Variants in ANKHD1 observed in about 807,000 individuals in gnomAD.
ANKHD1 encodes ankyrin repeat and KH domain-containing protein 1.
Under a neutral mutation model 230.5 loss-of-function variants are expected in ANKHD1, and 31 were observed. The ratio of observed to expected loss-of-function variants is 0.13; its 90% CI spans 0.10 to 0.18. ANKHD1 has a LOEUF of 0.18. Among genes scored for constraint, ANKHD1 ranks in the 10% least tolerant of loss-of-function variants. The pLI, the probability that ANKHD1 is intolerant of heterozygous loss-of-function variation, is 1.00. For synonymous variants in ANKHD1, 1,074 were observed against 1,117.6 expected (o/e 0.96, Z 0.78); for missense variants, 2,256 against 3,071.3 (o/e 0.73, Z 6.27).
chr5:140,434,343 G>T (rs1305533836), intron 1 of ANKHD1, among the ~76,000 whole-genome samples: 1 of 151,110 alleles, frequency 6.6e-6, no homozygotes, highest in South Asian at 2.1e-4. Flanking sequence ...TTCTGTTCCT[G>T]ATGTTTTTCT....
At chr5:140,490,252 T>A (rs1386928536) in intron 14 of ANKHD1, among the ~76,000 whole-genome samples, 6 of 152,216 alleles carry the variant, frequency 3.9e-5, no homozygotes. Context: ...CAGGTTCTTA[T>A]AACATTTTAC....
chr5:140,452,055 G>A (rs1165782272), intron 7 of ANKHD1, among the ~76,000 whole-genome samples: 3 of 152,066 alleles, frequency 2.0e-5, no homozygotes, highest in Admixed American at 6.6e-5. Flanking sequence ...CTGAGCATAC[G>A]GCACACCAGG....
chr5:140,432,810 T>G (rs1161786285), intron 1 of ANKHD1, among the ~76,000 whole-genome samples: 1 of 152,104 alleles, frequency 6.6e-6, no homozygotes, highest in Non-Finnish European at 1.5e-5. Flanking sequence ...TGGGCTCAAA[T>G]GATCCACCTC....
chr5:140,476,013 A>G (rs1218735765), intron 10 of ANKHD1, among the ~76,000 whole-genome samples: 3 of 152,212 alleles, frequency 2.0e-5, no homozygotes, highest in East Asian at 3.8e-4. Context: ...CCATAAAACA[A>G]TGTGAGATAA....
At chr5:140,423,140 G>A (rs116651833) in intron 1 of ANKHD1, among the ~76,000 whole-genome samples, 135 of 151,888 alleles carry the variant, frequency 8.9e-4, no homozygotes, top group African/African-American at 3.1e-3. Flanking sequence ...TTAAGTGATC[G>A]TCCTGCCTTG....
In ANKHD1 at chr5:140,497,213, C is replaced by G; in HGVS notation, c.2939C>G (p.Pro980Arg). Reference protein sequence around the residue: ...GHDQGLLVQEPDGLMVATPAQ... With the variant: ...GHDQGLLVQERDGLMVATPAQ... ...GATCAGGGGCTGTTAGTTCAAGAACCAGATGGACTAATGGTTGCAACTCCA... is the reference window on the plus strand; with the variant it reads ...GATCAGGGGCTGTTAGTTCAAGAACGAGATGGACTAATGGTTGCAACTCCA... Residue 980 changes from proline to arginine, a missense_variant, in exon 15 of 34, where the codon CCA (proline) becomes CGA (arginine). Physicochemically the swap from Pro to Arg is moderately radical, Grantham distance 103. Coordinates refer to ENST00000360839, the MANE Select transcript of ANKHD1 (RefSeq NM_017747.3). The G allele has an allele frequency of 2.5e-6, 4 of 1,611,418 alleles. No individual in the cohort carries two copies. The highest frequency in any genetic ancestry group is 3.4e-6 in the Non-Finnish European group (4 of 1,179,974).
Position 140,527,978 on chromosome 5 carries a change from G to T in ANKHD1, c.5193G>T (p.Val1731=). 1 of 1,613,634 alleles carries T rather than the reference G, an allele frequency of 6.2e-7. No individual in the cohort carries two copies. The highest frequency in any genetic ancestry group is 8.5e-7 in the Non-Finnish European group (1 of 1,179,834). The change falls in exon 28 of 34, where the codon GTG becomes GTT. Residue 1731 remains valine, a synonymous_variant. Transcript: ENST00000360839. This position sits in a 1 kb window ranked among gnomAD's most constrained non-coding sequence, Gnocchi z 4.5. ...ATGTTACTGGTGCCCATATTGATGT[G>T]GATAAACAAAAAGATAAGAATGGCG... ...IQDVTGAHID[V]DKQKDKNGER...
At chr5:140,441,221 G>C in intron 5 of ANKHD1, 79 bp downstream of exon 5, 1 of 1,406,260 alleles carries the variant, frequency 7.1e-7, no homozygotes, top group Non-Finnish European at 9.3e-7. Context: ...TTAGATTTCT[G>C]AGGAAAACCA....
In ANKHD1 at chr5:140,411,727, T is replaced by C. The variant is rs952862199; in HGVS notation, c.306+9454T>C. 2.0e-5 allele frequency among the ~76,000 whole-genome samples: 3 copies of C among 152,146 alleles called. No individual in the cohort carries two copies. The East Asian group carries it at 5.8e-4, about 29-fold the overall frequency. On this transcript the variant is annotated intron_variant, in intron 1 of 33. Transcript: ENST00000360839. ...TTAGTAGAGATGGGGTTTCACCATG[T>C]TGGCCAGGCTGGTCTCGAACTCCTG...
chr5:140,482,532 G>A (rs2127014120), intron 10 of ANKHD1, 48 bp from the exon 11 acceptor site: 1 of 1,590,962 alleles, frequency 6.3e-7, no homozygotes, highest in East Asian at 2.3e-5. Flanking sequence ...TAAAATAGAT[G>A]GTTAGACTGT....
chr5:140,457,739 G>T (rs1775320892), intron 7 of ANKHD1, among the ~76,000 whole-genome samples: 2 of 151,900 alleles, frequency 1.3e-5, no homozygotes, highest in South Asian at 4.2e-4. Context: ...AGCATTAGGA[G>T]ATATACCCAA....
chr5:140,419,824 TTCTTTCTTTCTTTTTCTTTC>T (rs1771776815), intron 1 of ANKHD1, among the ~76,000 whole-genome samples: 1 of 125,658 alleles, frequency 8.0e-6, no homozygotes, highest in Non-Finnish European at 1.7e-5. Context: ...CTTTCTTTCT[TTCTTTCTTTCTTTTTCTTTC>T]TCTTTCTTTT....
chr5:140,450,626 A>AT (rs1182956403), intron 7 of ANKHD1, among the ~76,000 whole-genome samples: 1 of 151,668 alleles, frequency 6.6e-6, no homozygotes, highest in Non-Finnish European at 1.5e-5. Flanking sequence ...TACAGCCTGT[A>AT]CCTCCTGTAC....
chr5:140,479,643 A>G (rs1038437410), intron 10 of ANKHD1, among the ~76,000 whole-genome samples: 2 of 150,938 alleles, frequency 1.3e-5, no homozygotes, highest in African/African-American at 2.4e-5. Flanking sequence ...TGTTCCCATT[A>G]TATGTATGTA....
At chr5:140,486,927 G>A (rs762000506) in intron 13 of ANKHD1, 31 bp from the exon 14 acceptor site, 6 of 1,602,072 alleles carry the variant, frequency 3.7e-6, no homozygotes, top group Non-Finnish European at 5.1e-6. Flanking sequence ...TCTTTGGTCT[G>A]AGATGATTTT....
rs1751448554 is a variant in ANKHD1 at position 140,485,270 on chromosome 5, A to AG, written c.1998+22_1998+23insG. 6.2e-7 allele frequency: 1 copy of AG among 1,601,510 alleles called. No homozygotes were observed. Among genetic ancestry groups the AG allele is most frequent in the Admixed American group, 1.7e-5 (1 of 59,448 alleles). On this transcript the variant is annotated intron_variant, in intron 12 of 33. Transcript: ENST00000360839. This position sits in a 1 kb window ranked among gnomAD's most constrained non-coding sequence, Gnocchi z 4.8. ...CAAGGTAGTCTACTTAAAAATAAGT[A>AG]AACAGGCTGTGTGCGGTGGCTCATG...
At chr5:140,515,620 G>A (rs987039712) in intron 24 of ANKHD1, among the ~76,000 whole-genome samples, 23 of 152,180 alleles carry the variant, frequency 1.5e-4, no homozygotes, top group Non-Finnish European at 3.1e-4. Flanking sequence ...TCCTCAAGTG[G>A]GTCCCTGACC....
chr5:140,430,970 G>A (rs1353927142), intron 1 of ANKHD1, among the ~76,000 whole-genome samples: 1 of 152,144 alleles, frequency 6.6e-6, no homozygotes, highest in Non-Finnish European at 1.5e-5. Flanking sequence ...CCAGCCAGCT[G>A]TATTTTGAAG....
intron 7 of ANKHD1, among the ~76,000 whole-genome samples, chr5:140,453,220 A>G (rs1451466614): frequency 6.6e-6 from 1 of 152,198 alleles, no homozygotes; most frequent in African/African-American, 2.4e-5. Flanking sequence ...ATGTGAAAAG[A>G]CCAAATCTAC....
Sources: allele counts gnomAD v4.1 joint callset (sites outside exome capture counted in the v4.1 genomes callset), GRCh38; gene constraint gnomAD v4.1.1; non-coding constraint Gnocchi (gnomAD v3.1); transcripts MANE v1.5; gene names NCBI Gene and HGNC (gene_info 2026-07-23, HGNC 2026-07-21).